Variants in ASIC2 observed in about 807,000 individuals in gnomAD.
ASIC2 encodes acid-sensing ion channel 2.
In ASIC2, 25 loss-of-function variants were observed where a neutral mutation model predicts 57.3. The observed-to-expected ratio is 0.44, with a 90% CI of 0.32 to 0.61. The LOEUF (loss-of-function observed/expected upper bound fraction) is 0.61, where lower values mean the gene tolerates loss of function less well. ASIC2 is among the 20% of genes least tolerant of loss of function. ASIC2 has a pLI of 0.06. For synonymous variants in ASIC2, 319 were observed against 307.5 expected, an observed-to-expected ratio of 1.04 and a Z score of -0.39; for missense variants, 641 against 738.1, an observed-to-expected ratio of 0.87 and a Z score of 1.52.
At chr17:33,796,153 C>T (rs1006751638) in intron 1 of ASIC2, among the ~76,000 whole-genome samples, 12 of 152,180 alleles carry the variant, frequency 7.9e-5, no homozygotes, top group African/African-American at 2.9e-4. Context: ...GGACAGACTC[C>T]CCCACCTTCC....
intron 1 of ASIC2, among the ~76,000 whole-genome samples, chr17:33,552,024 A>G (rs919046988): frequency 6.6e-6 from 1 of 152,170 alleles, no homozygotes; most frequent in Non-Finnish European, 1.5e-5. Flanking sequence ...GGCTCTTCAG[A>G]CAGTCGGGAT....
intron 1 of ASIC2, chr17:34,069,308 TC>T (rs199503643): frequency 2.8e-5 from 4 of 144,762 alleles, no homozygotes; most frequent in South Asian, 2.4e-4. Flanking sequence ...CTTCCTTCCT[TC>T]CTTTCTTCCT....
intron 1 of ASIC2, among the ~76,000 whole-genome samples, chr17:34,115,500 A>C (rs1170379347): frequency 2.0e-5 from 3 of 152,216 alleles, no homozygotes; most frequent in Non-Finnish European, 4.4e-5. Context: ...AGGACAGTGG[A>C]TTCTCAACAG....
chr17:33,278,358 G>A (rs953404546), intron 1 of ASIC2, among the ~76,000 whole-genome samples: 23 of 152,060 alleles, frequency 1.5e-4, no homozygotes, highest in African/African-American at 4.3e-4. Flanking sequence ...ATAGACTGAC[G>A]TAAAATCAGT....
At chr17:33,950,569 G>T (rs1450681246) in intron 1 of ASIC2, among the ~76,000 whole-genome samples, 1 of 152,204 alleles carries the variant, frequency 6.6e-6, no homozygotes, top group Non-Finnish European at 1.5e-5. Context: ...TGGGGACCTG[G>T]AGTCCCAGCT....
At chr17:33,212,685 C>T (rs1166708423) in intron 1 of ASIC2, among the ~76,000 whole-genome samples, 1 of 152,220 alleles carries the variant, frequency 6.6e-6, no homozygotes, top group East Asian at 1.9e-4. Flanking sequence ...AAGGAATGGG[C>T]TGGCCTGCAG....
chr17:33,680,881 G>T (rs925793616), intron 1 of ASIC2: 1 of 152,198 alleles, frequency 6.6e-6, no homozygotes, highest in African/African-American at 2.4e-5. Flanking sequence ...AGTAGTTTTT[G>T]CATGTAATTA....
intron 1 of ASIC2, chr17:34,004,763 T>C (rs1263085125): frequency 1.3e-5 from 2 of 152,196 alleles, no homozygotes; most frequent in African/African-American, 4.8e-5. Flanking sequence ...AGATGATTTT[T>C]GAGGTCCCTT....
chr17:33,834,976 G>A (rs371058743), intron 1 of ASIC2, among the ~76,000 whole-genome samples: 8 of 152,302 alleles, frequency 5.3e-5, no homozygotes, highest in South Asian at 2.1e-4. Flanking sequence ...TGTGTTTGGC[G>A]TGCTCATTCA....
intron 1 of ASIC2, among the ~76,000 whole-genome samples, chr17:33,850,671 T>C (rs1913739816): frequency 6.6e-6 from 1 of 152,184 alleles, no homozygotes; most frequent in Non-Finnish European, 1.5e-5. Flanking sequence ...AGTCATATTT[T>C]CTGCAGGTAA....
intron 1 of ASIC2, among the ~76,000 whole-genome samples, chr17:33,114,936 C>T (rs1437676112): frequency 6.6e-6 from 1 of 152,212 alleles, no homozygotes; most frequent in Admixed American, 6.5e-5. Flanking sequence ...CATCTCTGAA[C>T]TTCAATTGAT....
At chr17:33,397,649 G>T (rs936039609) in intron 1 of ASIC2, among the ~76,000 whole-genome samples, 14 of 152,054 alleles carry the variant, frequency 9.2e-5, no homozygotes, top group Non-Finnish European at 4.4e-5. Flanking sequence ...TGGGGATCTG[G>T]GACAGGGTAG....
intron 1 of ASIC2, among the ~76,000 whole-genome samples, chr17:33,307,499 A>C (rs557236662): frequency 6.6e-6 from 1 of 152,070 alleles, no homozygotes; most frequent in Non-Finnish European, 1.5e-5. Context: ...TAGTAGAGAC[A>C]GGATTTCACC....
intron 1 of ASIC2, among the ~76,000 whole-genome samples, chr17:33,209,399 C>T (rs1317221877): frequency 1.3e-5 from 2 of 152,136 alleles, no homozygotes; most frequent in African/African-American, 2.4e-5. Context: ...AGGAATGTCC[C>T]ACCTTAAAGC....
At position 33,291,623 on chromosome 17, in the gene ASIC2, G is replaced by C; in HGVS notation, c.493C>G (p.Arg165Gly). 1.2e-6 allele frequency: 2 copies of C among 1,608,948 alleles called. No individual in the cohort carries two copies. The highest frequency in any genetic ancestry group is 8.5e-7 in the Non-Finnish European group (1 of 1,178,188). ...TCGCTGACAAGCGGGCGCGCGGTGCGGTTGGGCAGCAGCAGCCCGAGCCAG... is the reference window on the plus strand; with the variant it reads ...TCGCTGACAAGCGGGCGCGCGGTGCCGTTGGGCAGCAGCAGCCCGAGCCAG... ...GHWLGLLLPN[R>G]TARPLVSELL... The change falls in exon 1 of 10, where the codon CGC (arginine) becomes GGC (glycine). Residue 165 changes from arginine to glycine, a missense_variant. Transcript: ENST00000225823.
chr17:33,557,404 T>C (rs1259785511), intron 1 of ASIC2, among the ~76,000 whole-genome samples: 3 of 152,214 alleles, frequency 2.0e-5, no homozygotes, highest in Non-Finnish European at 2.9e-5. Context: ...CTAAGTGCAA[T>C]GTTAACAGTC....
intron 1 of ASIC2, among the ~76,000 whole-genome samples, chr17:34,035,609 G>C (rs984125897): frequency 6.6e-6 from 1 of 151,894 alleles, no homozygotes; most frequent in Non-Finnish European, 1.5e-5. Context: ...TACAGAACAG[G>C]AAAAAATTTT....
At chr17:34,003,010 A>T (rs4239244) in intron 1 of ASIC2, 49,681 of 152,106 alleles carry the variant, frequency 0.33, 10,755 homozygotes, top group African/African-American at 0.59. Context: ...CCTATCAGAG[A>T]CAACACAGTT....
At chr17:33,778,720 G>A (rs1313780640) in intron 1 of ASIC2, among the ~76,000 whole-genome samples, 3 of 152,234 alleles carry the variant, frequency 2.0e-5, no homozygotes, top group South Asian at 2.1e-4. Flanking sequence ...GAGCCTCGAC[G>A]TCCTCTCCAA....
Sources: gnomAD v4.1 joint callset for allele counts (sites outside exome capture counted in the v4.1 genomes callset) on GRCh38, gnomAD v4.1.1 for gene constraint, MANE v1.5 for transcripts, NCBI Gene and HGNC (gene_info 2026-07-23, HGNC 2026-07-21) for gene names.